RBM26: variants seen among roughly 807,000 people sequenced by gnomAD.
RBM26 encodes the protein RNA binding motif protein 26.
Under a neutral mutation model 123.6 loss-of-function variants are expected in RBM26, and 30 were observed. That is an observed-to-expected ratio of 0.24 (90% CI 0.18 to 0.33). The LOEUF is 0.33. Among genes scored for constraint, RBM26 ranks in the 10% least tolerant of loss-of-function variants. The probability of loss-of-function intolerance (pLI) is 1.00; values close to 1 mark genes in which losing one functional copy is unlikely to be tolerated. For missense variants in RBM26, 947 were observed against 1,203.6 expected (o/e 0.79, Z 3.15); for synonymous variants, 400 against 404.4 (o/e 0.99, Z 0.13).
intron 1 of RBM26, among the ~76,000 whole-genome samples, chr13:79,391,992 CATTATTATATAATTATATATTATACATT>C (rs1566579973): frequency 9.6e-4 from 104 of 108,226 alleles, no homozygotes; most frequent in African/African-American, 3.6e-3. Context: ...TTATGCAATA[CATTATTATATAATTATATATTATACATT>C]ATTATATAAT....
At chr13:79,343,008 C>T (rs1371736062) in intron 16 of RBM26, among the ~76,000 whole-genome samples, 177 bp from the exon 17 acceptor site, 6 of 204 alleles carry the variant, frequency 0.029, no homozygotes, top group Non-Finnish European at 0.061. Context: ...TTTGGTGATG[C>T]TAACTATCTC....
intron 20 of RBM26, 69 bp downstream of exon 20, chr13:79,334,275 T>C: frequency 1.2e-6 from 1 of 864,952 alleles, no homozygotes; most frequent in Non-Finnish European, 1.8e-6. Context: ...AATTCATTTA[T>C]ATTAAAACTT....
intron 20 of RBM26, among the ~76,000 whole-genome samples, chr13:79,327,562 C>T (rs1432300832): frequency 6.6e-6 from 1 of 151,752 alleles, no homozygotes; most frequent in East Asian, 1.9e-4. Context: ...AATGAAAACC[C>T]AAAAAACCCA....
At chr13:79,344,399 G>A (rs981274998) in intron 15 of RBM26, 77 bp from the exon 16 acceptor site, 5 of 1,151,808 alleles carry the variant, frequency 4.3e-6, no homozygotes, top group Non-Finnish European at 6.5e-6. Context: ...AGAAATAGTT[G>A]TAACTGCAGA....
At position 79,320,742 on chromosome 13, in the gene RBM26, C is replaced by A. The variant is rs1192899250; in HGVS notation, c.2935-32G>T. ...GTTAAAATGTATTTAGGAATTTACC[C>A]AAAAAAAAAAAAAAGAAAAGAAAAA... On this transcript the variant is annotated intron_variant, in intron 21 of 21. Transcript: ENST00000438737. 1.2e-3 allele frequency: 1,251 copies of A among 1,086,972 alleles called. No individual in the cohort carries two copies. Among genetic ancestry groups the A allele is most frequent in the South Asian group, 4.2e-3 (183 of 43,440 alleles). The allele number at this position is 1,086,972 out of a possible 1,614,324, so 67.3% of individuals were successfully genotyped here. A position where few individuals can be genotyped will look rare whatever the true frequency, so the allele number is the denominator to read the frequency against.
Position 79,378,848 on chromosome 13 carries a change from T to C in RBM26, c.131A>G (p.Lys44Arg). ...TAATGCCTTTAACTCTTTTTCACTTTTGTCTTTCTTTACCAAAGCCAGAAC... is the reference window on the plus strand; with the variant it reads ...TAATGCCTTTAACTCTTTTTCACTTCTGTCTTTCTTTACCAAAGCCAGAAC... The part of the protein sequence containing the change: ...KYVLALVKKD[K>R]SEKELKALCI... The change falls in exon 2 of 22, where the codon AAA becomes AGA. Residue 44 changes from lysine to arginine, a missense_variant. Physicochemically the swap from Lys to Arg is conservative, Grantham distance 26. Around this residue, in one of 5 missense-constraint regions of RBM26, gnomAD observed 275 missense variants for 361.0 expected, o/e 0.76. Coordinates refer to ENST00000438737, the MANE Select transcript of RBM26 (RefSeq NM_001366735.2). The C allele has an allele frequency of 1.9e-6, 3 of 1,613,700 alleles. No individual in the cohort carries two copies. The highest frequency in any genetic ancestry group is 2.5e-6 in the Non-Finnish European group (3 of 1,179,656).
At chr13:79,375,070 T>TA (rs1341932478) in intron 3 of RBM26, among the ~76,000 whole-genome samples, 3 of 128,318 alleles carry the variant, frequency 2.3e-5, no homozygotes, top group African/African-American at 8.6e-5. Context: ...TTTTTATATA[T>TA]TTATATGATA....
chr13:79,330,327 G>C (rs1398397303), intron 20 of RBM26, among the ~76,000 whole-genome samples: 1 of 152,146 alleles, frequency 6.6e-6, no homozygotes, highest in Non-Finnish European at 1.5e-5. Flanking sequence ...AGTAATTGTG[G>C]ATTCCACATC....
rs569616344 is a variant in RBM26 at position 79,348,710 on chromosome 13, T to C, written c.2059-3916A>G. Among the ~76,000 whole-genome samples the C allele has an allele frequency of 2.0e-4, 31 of 152,146 alleles. 1 individual carries two copies. The highest frequency in any genetic ancestry group is 3.9e-4 in the Admixed American group (6 of 15,274). On this transcript the variant is annotated intron_variant, in intron 14 of 21. Coordinates refer to ENST00000438737, the MANE Select transcript of RBM26 (RefSeq NM_001366735.2). ...AGTTTTCATAGTAAGTAGTCACCTG[T>C]TCAGTAAATCTGAATGTTCGTTTAT...
intron 18 of RBM26, among the ~76,000 whole-genome samples, chr13:79,339,870 C>A (rs1217880659): frequency 6.6e-6 from 1 of 152,072 alleles, no homozygotes; most frequent in Non-Finnish European, 1.5e-5. Flanking sequence ...GCTGAATGAA[C>A]ACACTCTGGG....
intron 1 of RBM26, among the ~76,000 whole-genome samples, chr13:79,395,505 T>C (rs2078478745): frequency 6.6e-6 from 1 of 152,090 alleles, no homozygotes; most frequent in African/African-American, 2.4e-5. Flanking sequence ...TTTGGGAAGC[T>C]GAATTGGGAG....
chr13:79,397,566 CAGTT>C (rs1341027020), intron 1 of RBM26, among the ~76,000 whole-genome samples: 1 of 149,122 alleles, frequency 6.7e-6, no homozygotes, highest in Non-Finnish European at 1.5e-5. Context: ...CCTGTAGTCT[CAGTT>C]ACTCGGAAGA....
In RBM26 at chr13:79,336,960, C is replaced by CA. The variant is rs1275065946; in HGVS notation, c.2733+141dup. The CA allele has an allele frequency of 7.6e-6, 6 of 792,970 alleles. No homozygotes were observed. In the Admixed American group the frequency reaches 8.4e-5, roughly 11 times the overall value. The allele number at this position is 792,970 out of a possible 1,614,324, so 49.1% of individuals were successfully genotyped here. A position where few individuals can be genotyped will look rare whatever the true frequency, so the allele number is the denominator to read the frequency against. Reference sequence around the variant, plus strand: ...ATCCTACAGTTTGTTTTTAAATTAACAAAAAAATTAAAGATTAAACTCTTT... The same window carrying CA: ...ATCCTACAGTTTGTTTTTAAATTAACAAAAAAAATTAAAGATTAAACTCTTT... On this transcript the variant is annotated intron_variant, in intron 19 of 21. Transcript: ENST00000438737.
Position 79,320,583 on chromosome 13 carries a change from G to A in RBM26, c.*38C>T, listed in dbSNP as rs1223535144. On this transcript the variant is annotated 3_prime_UTR_variant, in exon 22 of 22. Transcript: ENST00000438737. The stretch of plus-strand genomic sequence containing the variant: ...ATTAGATAATACTAATGAAACACAG[G>A]TAGAGTTCTAGCATATGCAGATCAA... 5 of 1,513,080 alleles carry A rather than the reference G, an allele frequency of 3.3e-6. No homozygotes were observed. Among genetic ancestry groups the A allele is most frequent in the Non-Finnish European group, 4.4e-6 (5 of 1,133,310 alleles). 93.7% of individuals were successfully genotyped at this position (1,513,080 alleles called of 1,614,324 possible).
chr13:79,346,895 A>T (rs1047663412), intron 14 of RBM26, among the ~76,000 whole-genome samples: 3 of 152,224 alleles, frequency 2.0e-5, no homozygotes, highest in African/African-American at 7.2e-5. Flanking sequence ...CCATAAGTTG[A>T]AAAGTTGTGG....
chr13:79,336,077 T>C (rs1488628388), intron 19 of RBM26, among the ~76,000 whole-genome samples: 1 of 152,158 alleles, frequency 6.6e-6, no homozygotes, highest in East Asian at 1.9e-4. Context: ...CCTGACAAAA[T>C]ATCTGTAACT....
intron 21 of RBM26, 57 bp from the exon 22 acceptor site, chr13:79,320,767 A>G (rs918518448): frequency 2.8e-6 from 4 of 1,403,738 alleles, no homozygotes; most frequent in African/African-American, 2.9e-5. Flanking sequence ...GAAAAGAAAA[A>G]AAAGGTGACA....
At chr13:79,343,780 T>C (rs2071828034) in intron 16 of RBM26, among the ~76,000 whole-genome samples, 1 of 151,952 alleles carries the variant, frequency 6.6e-6, no homozygotes, top group Non-Finnish European at 1.5e-5. Context: ...CTTTTTTCTT[T>C]GTACTACATT....
chr13:79,390,669 T>C (rs570283175), intron 1 of RBM26, among the ~76,000 whole-genome samples: 2 of 152,158 alleles, frequency 1.3e-5, no homozygotes, highest in Non-Finnish European at 2.9e-5. Flanking sequence ...CATCTGCGAT[T>C]TACTCTGAAA....
Sources: gnomAD v4.1 joint callset for allele counts (sites outside exome capture counted in the v4.1 genomes callset) on GRCh38, gnomAD v4.1.1 for gene constraint, gnomAD v4.1.1 regional missense constraint, MANE v1.5 for transcripts, NCBI Gene and HGNC (gene_info 2026-07-23, HGNC 2026-07-21) for gene names.